DPYD: variants seen among roughly 807,000 people sequenced by gnomAD.
DPYD encodes the protein dihydropyrimidine dehydrogenase.
Under a neutral mutation model 116.2 loss-of-function variants are expected in DPYD, and 109 were observed. The ratio of observed to expected loss-of-function variants is 0.94; its 90% confidence interval spans 0.80 to 1.10. The LOEUF is 1.10. Ranked by LOEUF, DPYD falls within the 50% of genes least tolerant of loss-of-function variation. The probability of loss-of-function intolerance (pLI) is 0.00; values close to 1 mark genes in which losing one functional copy is unlikely to be tolerated. For missense variants in DPYD, 1,302 were observed against 1,254.5 expected (o/e 1.04, Z -0.57); for synonymous variants, 440 against 432.0 (o/e 1.02, Z -0.23).
intron 16 of DPYD, among the ~76,000 whole-genome samples, chr1:97,346,771 T>G (rs1021351844): frequency 3.3e-5 from 5 of 151,930 alleles, no homozygotes; most frequent in African/African-American, 1.2e-4. Context: ...TGGGTATCTT[T>G]ACGAGTTCTG....
chr1:97,370,764 G>A (rs932068329), intron 16 of DPYD, among the ~76,000 whole-genome samples: 12 of 152,110 alleles, frequency 7.9e-5, no homozygotes, highest in Non-Finnish European at 1.6e-4. Flanking sequence ...ATATTTTAGA[G>A]ATGGACACTT....
At chr1:97,870,689 T>TA (rs1671611856) in intron 2 of DPYD, among the ~76,000 whole-genome samples, 2 of 151,844 alleles carry the variant, frequency 1.3e-5, no homozygotes, top group Non-Finnish European at 2.9e-5. Context: ...ATCACAGCAC[T>TA]TTATTTAAGG....
At chr1:97,388,987 T>G (rs2101593081) in intron 14 of DPYD, among the ~76,000 whole-genome samples, 1 of 152,148 alleles carries the variant, frequency 6.6e-6, no homozygotes, top group Non-Finnish European at 1.5e-5. Context: ...CAAATAAGTA[T>G]GGATGCATTT....
chr1:97,749,159 C>T (rs1454062356), intron 3 of DPYD, among the ~76,000 whole-genome samples: 1 of 152,100 alleles, frequency 6.6e-6, no homozygotes, highest in Non-Finnish European at 1.5e-5. Flanking sequence ...TTCTCATGTT[C>T]CAGGGTAAGG....
intron 19 of DPYD, among the ~76,000 whole-genome samples, chr1:97,212,098 C>T (rs921504029): frequency 4.7e-5 from 7 of 147,738 alleles, no homozygotes; most frequent in Non-Finnish European, 8.9e-5. Flanking sequence ...AAAACTCGCC[C>T]ACTATACGTG....
chr1:97,833,460 T>G (rs751832348), intron 2 of DPYD, among the ~76,000 whole-genome samples: 5 of 152,100 alleles, frequency 3.3e-5, no homozygotes, highest in Non-Finnish European at 7.4e-5. Context: ...AACCTGTCTT[T>G]GAAATGATTT....
intron 1 of DPYD, among the ~76,000 whole-genome samples, chr1:97,885,753 T>C (rs928628228): frequency 1.3e-5 from 2 of 152,084 alleles, no homozygotes; most frequent in African/African-American, 4.8e-5. Context: ...AGAATTGAAT[T>C]GGAACTCTGT....
intron 18 of DPYD, 64 bp downstream of exon 18, chr1:97,305,195 C>T (rs1667083832): frequency 6.2e-7 from 1 of 1,609,670 alleles, no homozygotes; most frequent in Non-Finnish European, 8.5e-7. Context: ...ACTCTTGCAA[C>T]ATGACCTTCT....
chr1:97,841,746 C>A (rs952752325), intron 2 of DPYD, among the ~76,000 whole-genome samples: 2 of 151,866 alleles, frequency 1.3e-5, no homozygotes, highest in African/African-American at 2.4e-5. Context: ...ATGGAAAATT[C>A]ATATATCATT....
intron 18 of DPYD, among the ~76,000 whole-genome samples, chr1:97,244,285 A>G (rs1662566979): frequency 6.6e-6 from 1 of 152,066 alleles, no homozygotes; most frequent in Non-Finnish European, 1.5e-5. Context: ...TACTTTTTAT[A>G]AACTATAATA....
chr1:97,251,299 G>A (rs1208911009), intron 18 of DPYD, among the ~76,000 whole-genome samples: 2 of 150,260 alleles, frequency 1.3e-5, no homozygotes, highest in Admixed American at 6.7e-5. Flanking sequence ...GGCTGAGGCA[G>A]GAGAATCGCT....
chr1:97,654,783 T>C (rs1658804343), intron 8 of DPYD, among the ~76,000 whole-genome samples: 1 of 152,166 alleles, frequency 6.6e-6, no homozygotes, highest in South Asian at 2.1e-4. Flanking sequence ...GATAAACATA[T>C]ACCTGAGACT....
At chr1:97,774,347 G>A (rs1422424663) in intron 3 of DPYD, among the ~76,000 whole-genome samples, 1 of 152,164 alleles carries the variant, frequency 6.6e-6, no homozygotes, top group Non-Finnish European at 1.5e-5. Flanking sequence ...TAACCAGGCT[G>A]GTTAAACACC....
At chr1:97,872,985 CCTT>C (rs1194473310) in intron 2 of DPYD, among the ~76,000 whole-genome samples, 1 of 151,814 alleles carries the variant, frequency 6.6e-6, no homozygotes, top group Admixed American at 6.6e-5. Context: ...TTCCTTCCCT[CCTT>C]CATCTTTATT....
At chr1:97,505,895 C>A (rs1647290332) in intron 13 of DPYD, among the ~76,000 whole-genome samples, 2 of 151,756 alleles carry the variant, frequency 1.3e-5, no homozygotes, top group South Asian at 4.1e-4. Flanking sequence ...GAAAGCAGGG[C>A]AGGATGAAAA....
intron 8 of DPYD, among the ~76,000 whole-genome samples, chr1:97,668,564 C>T (rs1659689445): frequency 6.6e-6 from 1 of 152,012 alleles, no homozygotes; most frequent in Non-Finnish European, 1.5e-5. Context: ...TAATTGCTAG[C>T]ACACTGCTAG....
At chr1:97,276,192 T>C (rs1178494934) in intron 18 of DPYD, among the ~76,000 whole-genome samples, 1 of 152,168 alleles carries the variant, frequency 6.6e-6, no homozygotes, top group Non-Finnish European at 1.5e-5. Flanking sequence ...CCAAGGCTGA[T>C]GTCCAGAATG....
At chr1:97,889,515 C>T (rs565214613) in intron 1 of DPYD, among the ~76,000 whole-genome samples, 1 of 152,048 alleles carries the variant, frequency 6.6e-6, no homozygotes, top group Non-Finnish European at 1.5e-5. Context: ...AAAAAATTTA[C>T]TAGAAATAAA....
chr1:97,918,759 C>T (rs537524331), intron 1 of DPYD, among the ~76,000 whole-genome samples: 3 of 152,158 alleles, frequency 2.0e-5, no homozygotes, highest in Non-Finnish European at 2.9e-5. Flanking sequence ...GTTATCATCA[C>T]CTTCTGTTCT....
Sources: allele counts gnomAD v4.1 joint callset (sites outside exome capture counted in the v4.1 genomes callset), GRCh38; gene constraint gnomAD v4.1.1; transcripts MANE v1.5; gene names NCBI Gene and HGNC (gene_info 2026-07-23, HGNC 2026-07-21).